The following VRK2 variants were observed in gnomAD, a reference collection of about 807,000 sequenced individuals.
VRK2 encodes the protein serine/threonine-protein kinase VRK2.
Under a neutral mutation model 57.6 loss-of-function variants are expected in VRK2, and 60 were observed. The ratio of observed to expected loss-of-function variants is 1.04; its 90% CI spans 0.85 to 1.29. VRK2 has a LOEUF of 1.29. VRK2 is among the 50% of genes most tolerant of loss of function. The probability of loss-of-function intolerance (pLI) is 0.00; values close to 1 mark genes in which losing one functional copy is unlikely to be tolerated. For synonymous variants in VRK2, 231 were observed against 199.2 expected, an observed-to-expected ratio of 1.16 and a Z score of -1.35; for missense variants, 705 against 588.1, an observed-to-expected ratio of 1.20 and a Z score of -2.06.
chr2:58,013,772 T>C (rs1290119539), intron 1 of VRK2, among the ~76,000 whole-genome samples: 4 of 139,144 alleles, frequency 2.9e-5, no homozygotes, highest in East Asian at 4.3e-4. Flanking sequence ...GGCAGGAGAA[T>C]GGCGTGAACC....
intron 1 of VRK2, among the ~76,000 whole-genome samples, chr2:57,921,115 C>G (rs969407010): frequency 8.6e-5 from 13 of 151,970 alleles, no homozygotes. Context: ...TTGCTAGCTA[C>G]TTGGTATTTT....
chr2:58,141,715 A>G (rs1444111750), intron 11 of VRK2, among the ~76,000 whole-genome samples: 5 of 152,010 alleles, frequency 3.3e-5, no homozygotes, highest in Admixed American at 1.3e-4. Context: ...AACTTTAAGT[A>G]TCTTAATTTT....
intron 8 of VRK2, among the ~76,000 whole-genome samples, 188 bp from the exon 9 acceptor site, chr2:58,131,620 C>T (rs556737758): frequency 6.6e-6 from 1 of 152,214 alleles, no homozygotes; most frequent in East Asian, 1.9e-4. Context: ...CAACAGCAAC[C>T]AGTCACTGCC....
chr2:57,922,453 CTT>C lies in VRK2; in HGVS notation c.-439+14615_-439+14616del, dbSNP rs1491335275. Among the ~76,000 whole-genome samples the C allele has an allele frequency of 2.1e-3, 191 of 91,634 alleles. 1 individual carries two copies. The highest frequency in any genetic ancestry group is 4.6e-3 in the African/African-American group (97 of 21,266). The allele number at this position is 91,634 out of a possible 152,430, so 60.1% of individuals were successfully genotyped here. On this transcript the variant is annotated intron_variant, in intron 1 of 15. Coordinates refer to the VRK2 transcript ENST00000417641. ...AACCATCACCTCACATAGTTACCTT[CTT>C]GTGTGTGTGTGTGTGTGTGTGTGTG...
At chr2:58,093,828 A>T (rs1672731876) in intron 7 of VRK2, among the ~76,000 whole-genome samples, 1 of 152,094 alleles carries the variant, frequency 6.6e-6, no homozygotes, top group Non-Finnish European at 1.5e-5. Context: ...ATCCATCTTG[A>T]ATTAATTTTT....
rs12469538 is a variant in VRK2 at position 58,139,384 on chromosome 2, T to G, written c.857-282T>G. On this transcript the variant is annotated intron_variant, in intron 10 of 12. Transcript: ENST00000340157. ...CCTCATAAATCAAAATCACTATAAT[T>G]ATTACAATATACTTCCTCTCATAAG... Among the ~76,000 whole-genome samples the G allele has an allele frequency of 7.0e-3, 1,059 of 152,180 alleles. 8 individuals are homozygous for G. Among genetic ancestry groups the G allele is most frequent in the Non-Finnish European group, 0.011 (760 of 67,996 alleles).
At chr2:58,077,315 C>G (rs750418728) in intron 2 of VRK2, among the ~76,000 whole-genome samples, 13 of 152,058 alleles carry the variant, frequency 8.5e-5, no homozygotes, top group Non-Finnish European at 1.5e-4. Flanking sequence ...TTCCTCCACA[C>G]AAGTCCTCGG....
At chr2:57,948,101 T>G (rs924402747) in intron 1 of VRK2, among the ~76,000 whole-genome samples, 3 of 152,182 alleles carry the variant, frequency 2.0e-5, no homozygotes, top group Non-Finnish European at 4.4e-5. Flanking sequence ...ATATCATTTA[T>G]GCAAGGATGT....
At chr2:58,096,438 C>A (rs564802171) in intron 7 of VRK2, among the ~76,000 whole-genome samples, 115 of 151,864 alleles carry the variant, frequency 7.6e-4, no homozygotes, top group African/African-American at 2.7e-3. Context: ...GAAATTGGTT[C>A]GATTCTTTAT....
At position 58,159,369 on chromosome 2, in the gene VRK2, G is replaced by GAAATATC; in HGVS notation, c.1206_1212dup (p.Glu405IlefsTer10). On this transcript the variant is annotated frameshift_variant, in exon 13 of 13. Transcript: ENST00000340157. LOFTEE classifies it low-confidence loss of function (END_TRUNC). ...CATAGGAAAGCACAAGGAGAAGACA[G>GAAATATC]AAATATCAAGAGTCTCAAGAACCTT... The GAAATATC allele has an allele frequency of 6.2e-7, 1 of 1,608,204 alleles. No individual in the cohort carries two copies. The highest frequency in any genetic ancestry group is 8.5e-7 in the Non-Finnish European group (1 of 1,177,912).
At chr2:58,096,227 T>G (rs942164046) in intron 7 of VRK2, among the ~76,000 whole-genome samples, 1 of 152,102 alleles carries the variant, frequency 6.6e-6, no homozygotes, top group Non-Finnish European at 1.5e-5. Context: ...GTGATATTGA[T>G]CCATAGTTTT....
chr2:58,116,889 G>A (rs1346427085), intron 7 of VRK2, among the ~76,000 whole-genome samples: 1 of 152,208 alleles, frequency 6.6e-6, no homozygotes, highest in Non-Finnish European at 1.5e-5. Flanking sequence ...GCTCCTGGGG[G>A]AGGAGGTTCT....
upstream of VRK2, among the ~76,000 whole-genome samples, chr2:58,044,109 A>T (rs1244156483): frequency 6.6e-6 from 1 of 152,200 alleles, no homozygotes; most frequent in African/African-American, 2.4e-5. Context: ...GGTGTGAATT[A>T]AGGGTTGAGG....
intron 1 of VRK2, among the ~76,000 whole-genome samples, chr2:57,938,910 A>T (rs1311835767): frequency 6.6e-6 from 1 of 152,162 alleles, no homozygotes; most frequent in African/African-American, 2.4e-5. Context: ...CTCCATGGTT[A>T]GTCTAACTTT....
chr2:58,093,813 C>G lies in VRK2; in HGVS notation c.543+4090C>G, dbSNP rs985702755. 1.9e-3 allele frequency among the ~76,000 whole-genome samples: 290 copies of G among 152,278 alleles called. 2 individuals are homozygous for G. The highest frequency in any genetic ancestry group is 6.7e-3 in the African/African-American group (280 of 41,528). ...ATGGTTTTAGGTCTAACATTTAAGT[C>G]TTTAATCCATCTTGAATTAATTTTT... On this transcript the variant is annotated intron_variant, in intron 7 of 12. Coordinates refer to ENST00000340157, the MANE Select transcript of VRK2 (RefSeq NM_006296.7).
At chr2:57,915,843 A>T (rs1670130050) in intron 1 of VRK2, among the ~76,000 whole-genome samples, 1 of 152,192 alleles carries the variant, frequency 6.6e-6, no homozygotes, top group Admixed American at 6.5e-5. Context: ...CTCCGCCTCC[A>T]GTCAGCCCAG....
At chr2:58,046,732 A>C, upstream of VRK2, 2 of 985,528 alleles carry the variant, frequency 2.0e-6, no homozygotes, top group Non-Finnish European at 2.4e-6. Flanking sequence ...GAGAGAAGTT[A>C]GGCAGGTCCT....
intron 1 of VRK2, among the ~76,000 whole-genome samples, chr2:57,911,457 C>G (rs747302312): frequency 1.2e-4 from 18 of 152,092 alleles, no homozygotes; most frequent in African/African-American, 3.9e-4. Flanking sequence ...TTCTGATGGT[C>G]GCAGAAACCA....
At chr2:58,027,293 C>A (rs1032066183) in intron 2 of VRK2, among the ~76,000 whole-genome samples, 4 of 152,020 alleles carry the variant, frequency 2.6e-5, no homozygotes, top group African/African-American at 9.7e-5. Context: ...GCCTTGCCAT[C>A]CAACCCTATG....
Sources: gnomAD v4.1 joint callset for allele counts (sites outside exome capture counted in the v4.1 genomes callset) on GRCh38, gnomAD v4.1.1 for gene constraint, MANE v1.5 for transcripts, NCBI Gene and HGNC (gene_info 2026-07-23, HGNC 2026-07-21) for gene names.